SEPTIN10: variants seen among roughly 807,000 people sequenced by gnomAD.
The protein encoded by SEPTIN10 is septin 10.
Under a neutral mutation model 54.8 loss-of-function variants are expected in SEPTIN10, and 66 were observed. The ratio of observed to expected loss-of-function variants is 1.21; its 90% CI spans 0.99 to 1.48. The LOEUF is 1.48. Ranked by LOEUF, SEPTIN10 falls within the 40% of genes most tolerant of loss-of-function variation. The pLI is 0.00. For synonymous variants in SEPTIN10, 161 were observed against 181.0 expected (o/e 0.89, Z 0.89); for missense variants, 620 against 545.6 (o/e 1.14, Z -1.36).
chr2:109,589,945 T>C (rs1361375927), intron 2 of SEPTIN10, among the ~76,000 whole-genome samples: 1 of 151,994 alleles, frequency 6.6e-6, no homozygotes, highest in Non-Finnish European at 1.5e-5. Flanking sequence ...GGTATCCCAA[T>C]AGTGATTTAT....
intron 1 of SEPTIN10, among the ~76,000 whole-genome samples, chr2:109,599,229 C>T (rs1361729214): frequency 2.0e-5 from 3 of 151,790 alleles, no homozygotes; most frequent in East Asian, 1.9e-4. Flanking sequence ...AGGCCAAGAC[C>T]GGTGGATCAC....
chr2:109,596,564 C>T (rs1573788146), intron 1 of SEPTIN10, among the ~76,000 whole-genome samples: 1 of 151,180 alleles, frequency 6.6e-6, no homozygotes, highest in Non-Finnish European at 1.5e-5. Context: ...TTGCAGTGAG[C>T]AGAGATCGCG....
intron 1 of SEPTIN10, among the ~76,000 whole-genome samples, chr2:109,609,827 G>C (rs1437085477): frequency 6.6e-6 from 1 of 152,110 alleles, no homozygotes; most frequent in East Asian, 1.9e-4. Flanking sequence ...CCACTTAAAA[G>C]GTAAGGATAA....
rs944710109 is a variant in SEPTIN10 at position 109,543,671 on chromosome 2, C to T, written c.*638G>A. 6.6e-6 allele frequency: 1 copy of T among 152,586 alleles called. No individual in the cohort carries two copies. The highest frequency in any genetic ancestry group is 2.4e-5 in the African/African-American group (1 of 41,432). The allele number at this position is 152,586 out of a possible 1,614,324, so 9.5% of individuals were successfully genotyped here. A position where few individuals can be genotyped will look rare whatever the true frequency, so the allele number is the denominator to read the frequency against. On this transcript the variant is annotated 3_prime_UTR_variant, in exon 11 of 11. Coordinates refer to ENST00000397712, the MANE Select transcript of SEPTIN10 (RefSeq NM_144710.5). ...AATGGGTTCTGTATTTTCAGTGGCA[C>T]TGACTTCGCTCTTTGGTATAATGCA... is the stretch of plus-strand genomic sequence containing the variant.
chr2:109,580,875 C>T (rs34821058), intron 4 of SEPTIN10, among the ~76,000 whole-genome samples: 20,500 of 152,154 alleles, frequency 0.13, 1,869 homozygotes, highest in African/African-American at 0.26. Context: ...GACAGCACAG[C>T]GCCTGGCCAT....
chr2:109,553,298 A>C, intron 8 of SEPTIN10, 79 bp from the exon 9 acceptor site: 1 of 1,471,528 alleles, frequency 6.8e-7, no homozygotes, highest in Non-Finnish European at 9.3e-7. Flanking sequence ...TAATCCCAAC[A>C]CTTTGGGAGG....
chr2:109,593,051 T>A lies in SEPTIN10; in HGVS notation c.99A>T (p.Ile33=). The change falls in exon 2 of 11, where the codon ATA becomes ATT. Residue 33 remains isoleucine (I), a splice_region_variant and synonymous_variant. Coordinates refer to ENST00000397712, the MANE Select transcript of SEPTIN10 (RefSeq NM_144710.5). ...GTATCTATTTAAAAGACATACTCAC[T>A]ATCTGTTCATCATCTGATCCTTGTG... ...MSSQGSDDEQ[I]KRENIRSLTM... 6.3e-7 allele frequency: 1 copy of A among 1,582,676 alleles called. No homozygotes were observed. Among genetic ancestry groups the A allele is most frequent in the South Asian group, 1.2e-5 (1 of 83,978 alleles).
At chr2:109,552,790 G>T in intron 9 of SEPTIN10, 1 of 266,702 alleles carries the variant, frequency 3.7e-6, no homozygotes, top group Non-Finnish European at 7.0e-6. Context: ...TGGATTTCAT[G>T]AAAGAAAAAT....
intron 5 of SEPTIN10, among the ~76,000 whole-genome samples, chr2:109,568,779 C>T (rs867225486): frequency 7.2e-5 from 11 of 152,242 alleles, no homozygotes; most frequent in Middle Eastern, 3.4e-3. Flanking sequence ...CTTTGTGCCT[C>T]GTTTCAGGAC....
chr2:109,608,832 GAAGA>G (rs1187377477), intron 1 of SEPTIN10, among the ~76,000 whole-genome samples: 2 of 152,254 alleles, frequency 1.3e-5, no homozygotes, highest in Admixed American at 6.5e-5. Flanking sequence ...GATATTATCA[GAAGA>G]AAGTGTAAGA....
In SEPTIN10 at chr2:109,598,838, C is replaced by A. The variant is rs147753952; in HGVS notation, c.31-5719G>T. Among the ~76,000 whole-genome samples, 964 of 151,884 alleles carry A rather than the reference C, an allele frequency of 6.3e-3. 4 individuals carry two copies. The highest frequency in any genetic ancestry group is 0.017 in the South Asian group (80 of 4,796). On this transcript the variant is annotated intron_variant, in intron 1 of 10. Coordinates refer to ENST00000397712, the MANE Select transcript of SEPTIN10 (RefSeq NM_144710.5). ...GAGGTTGCAGTGAGCCCAGATCACA[C>A]CACTGCACTCCAGCCTGGGTGACAG...
At chr2:109,592,468 A>T (rs1694293828) in intron 2 of SEPTIN10, among the ~76,000 whole-genome samples, 1 of 149,948 alleles carries the variant, frequency 6.7e-6, no homozygotes, top group Admixed American at 6.7e-5. Context: ...CTGTCTCAAA[A>T]AACAAAAACA....
intron 4 of SEPTIN10, among the ~76,000 whole-genome samples, chr2:109,580,963 A>G (rs1690969520): frequency 6.6e-6 from 1 of 152,218 alleles, no homozygotes; most frequent in Non-Finnish European, 1.5e-5. Flanking sequence ...AAGAGAAGAA[A>G]GCTGCACAGG....
chr2:109,590,979 GCCA>G (rs1168687043), intron 2 of SEPTIN10, among the ~76,000 whole-genome samples: 1 of 152,156 alleles, frequency 6.6e-6, no homozygotes, highest in Non-Finnish European at 1.5e-5. Flanking sequence ...AGGAAGATGG[GCCA>G]CGTCTGGCCT....
intron 1 of SEPTIN10, 83 bp downstream of exon 1, chr2:109,613,715 C>T (rs1699819228): frequency 3.2e-6 from 3 of 940,028 alleles, no homozygotes; most frequent in South Asian, 5.3e-5. Context: ...CGGGCCGGAC[C>T]AGGGGGCCGG....
chr2:109,547,952 CTG>C (rs946555099), intron 9 of SEPTIN10, among the ~76,000 whole-genome samples: 8 of 152,166 alleles, frequency 5.3e-5, no homozygotes, highest in African/African-American at 1.7e-4. Flanking sequence ...GCTGGGGTAA[CTG>C]TGGGAGCAAC....
chr2:109,613,959 G>C lies in SEPTIN10; in HGVS notation c.-132C>G, dbSNP rs940501783. The C allele has an allele frequency of 5.0e-6, 6 of 1,209,690 alleles. No individual in the cohort carries two copies. The highest frequency in any genetic ancestry group is 4.1e-5 in the South Asian group (1 of 24,152). The allele number at this position is 1,209,690 out of a possible 1,614,324, so 74.9% of individuals were successfully genotyped here. A position where few individuals can be genotyped will look rare whatever the true frequency, so the allele number is the denominator to read the frequency against. ...GCGAGGCTAGGCTGCCTCCGCGACG[G>C]GGAAGGGACAGGGGCGGGGCCGAGC... is the stretch of plus-strand genomic sequence containing the variant. On this transcript the variant is annotated 5_prime_UTR_variant, in exon 1 of 11. Transcript: ENST00000397712.
intron 5 of SEPTIN10, 48 bp from the exon 6 acceptor site, chr2:109,568,024 TAATCCTGCAGCTG>T (rs1240490413): frequency 1.5e-6 from 2 of 1,364,466 alleles, no homozygotes; most frequent in Non-Finnish European, 1.0e-6. Flanking sequence ...TTTTTTTTTT[TAATCCTGCAGCTG>T]TTTTTTCACT....
chr2:109,546,735 C>G (rs1002271184), intron 9 of SEPTIN10, among the ~76,000 whole-genome samples: 3 of 152,076 alleles, frequency 2.0e-5, no homozygotes, highest in South Asian at 2.1e-4. Context: ...AATGTTAAAA[C>G]TGTATTCTAT....
Sources: gnomAD v4.1 joint callset for allele counts (sites outside exome capture counted in the v4.1 genomes callset) on GRCh38, gnomAD v4.1.1 for gene constraint, MANE v1.5 for transcripts, NCBI Gene and HGNC (gene_info 2026-07-23, HGNC 2026-07-21) for gene names.